Variants in CDH4 observed in about 807,000 individuals in gnomAD.
CDH4 encodes cadherin 4.
Under a neutral mutation model 86.0 loss-of-function variants are expected in CDH4, and 33 were observed. That is an observed-to-expected ratio of 0.38 (90% CI 0.29 to 0.51). The LOEUF is 0.51. CDH4 is among the 20% of genes least tolerant of loss of function. The pLI, the probability that CDH4 is intolerant of heterozygous loss-of-function variation, is 0.86. For missense variants in CDH4, 1,114 were observed against 1,307.4 expected (o/e 0.85, Z 2.28); for synonymous variants, 555 against 549.4 (o/e 1.01, Z -0.14).
chr20:61,719,016 G>A (rs1271346638), intron 2 of CDH4: 1 of 471,220 alleles, frequency 2.1e-6, no homozygotes, highest in Admixed American at 2.3e-5. Flanking sequence ...ATCACGAGTG[G>A]CTCTAAGTGT....
intron 2 of CDH4, among the ~76,000 whole-genome samples, chr20:61,603,329 G>A (rs1416358741): frequency 6.6e-6 from 1 of 152,198 alleles, no homozygotes; most frequent in African/African-American, 2.4e-5. Flanking sequence ...GAGTCTCCAA[G>A]GTGGGGCAAC....
At chr20:61,599,843 G>A (rs375739345) in intron 2 of CDH4, 114 of 985,426 alleles carry the variant, frequency 1.2e-4, no homozygotes, top group Non-Finnish European at 1.3e-4. Flanking sequence ...GCTGAAGCCC[G>A]CTTCCCTTCG....
At chr20:61,790,160 C>G (rs1979094310) in intron 4 of CDH4, among the ~76,000 whole-genome samples, 1 of 152,002 alleles carries the variant, frequency 6.6e-6, no homozygotes, top group Non-Finnish European at 1.5e-5. Context: ...ACCCACCCAT[C>G]TACCCATCCG....
At chr20:61,280,226 T>C (rs1201093879) in intron 2 of CDH4, among the ~76,000 whole-genome samples, 1 of 151,982 alleles carries the variant, frequency 6.6e-6, no homozygotes, top group Non-Finnish European at 1.5e-5. Flanking sequence ...AGGGTACACA[T>C]AGGGTGATGG....
intron 2 of CDH4, among the ~76,000 whole-genome samples, chr20:61,592,213 A>G (rs1361062183): frequency 6.6e-6 from 1 of 152,184 alleles, no homozygotes; most frequent in Non-Finnish European, 1.5e-5. Flanking sequence ...AGTAATAAGA[A>G]ATATATTTAA....
At chr20:61,615,254 T>C (rs1045571419) in intron 2 of CDH4, among the ~76,000 whole-genome samples, 2 of 151,954 alleles carry the variant, frequency 1.3e-5, no homozygotes, top group Non-Finnish European at 2.9e-5. Flanking sequence ...CCCGAGTATC[T>C]GGGATTATAG....
At chr20:61,924,541 A>G in intron 11 of CDH4, 65 bp downstream of exon 11, 1 of 1,555,834 alleles carries the variant, frequency 6.4e-7, no homozygotes, top group South Asian at 1.2e-5. Context: ...TCTGTGGGCG[A>G]GGGAGGGTGC....
chr20:61,718,616 T>C (rs1465324913), intron 2 of CDH4: 1 of 363,016 alleles, frequency 2.8e-6, no homozygotes, highest in East Asian at 7.4e-5. Flanking sequence ...GCTACCCGAC[T>C]GGGTGTCCTA....
At chr20:61,564,021 C>T (rs192133661) in intron 2 of CDH4, among the ~76,000 whole-genome samples, 8 of 152,232 alleles carry the variant, frequency 5.3e-5, no homozygotes, top group East Asian at 1.9e-4. Context: ...CTTCTCTGTC[C>T]GTCCCTCAAT....
intron 2 of CDH4, among the ~76,000 whole-genome samples, chr20:61,733,709 G>GAA (rs1358584391): frequency 7.6e-6 from 1 of 132,412 alleles, no homozygotes; most frequent in African/African-American, 2.7e-5. Flanking sequence ...AAGAAAGAAT[G>GAA]AAAGAAAGAA....
At chr20:61,616,433 C>T (rs1326136360) in intron 2 of CDH4, among the ~76,000 whole-genome samples, 3 of 152,226 alleles carry the variant, frequency 2.0e-5, no homozygotes, top group African/African-American at 7.2e-5. Context: ...ATAGCGCCTT[C>T]TTTCCACCAC....
intron 2 of CDH4, among the ~76,000 whole-genome samples, chr20:61,694,388 C>T (rs553143317): frequency 1.6e-4 from 25 of 152,186 alleles, no homozygotes; most frequent in African/African-American, 5.5e-4. Flanking sequence ...AGGCTTGAGG[C>T]GGAGGAGAAA....
intron 2 of CDH4, among the ~76,000 whole-genome samples, chr20:61,502,584 CAT>C (rs1185905921): frequency 6.6e-6 from 1 of 152,192 alleles, no homozygotes; most frequent in Non-Finnish European, 1.5e-5. Context: ...GCTCCTGAGT[CAT>C]ATGTGGAAAA....
At position 61,934,320 on chromosome 20, in the gene CDH4, T is replaced by A. The variant is rs889884374; in HGVS notation, c.2544+100T>A. 2.5e-5 allele frequency: 33 copies of A among 1,319,910 alleles called. No individual in the cohort carries two copies. In the South Asian group the frequency reaches 5.0e-4, roughly 20 times the overall value. The allele number at this position is 1,319,910 out of a possible 1,614,324, so 81.8% of individuals were successfully genotyped here. A position where few individuals can be genotyped will look rare whatever the true frequency, so the allele number is the denominator to read the frequency against. On this transcript the variant is annotated intron_variant, in intron 15 of 15. Coordinates refer to ENST00000614565, the MANE Select transcript of CDH4 (RefSeq NM_001794.5). Reference sequence around the variant, plus strand: ...AAGCCATCTCCACAGTGCCGGCGGCTGCCGTGGGTGGGAGGCAGCTCAGAC... The same window carrying A: ...AAGCCATCTCCACAGTGCCGGCGGCAGCCGTGGGTGGGAGGCAGCTCAGAC...
chr20:61,659,878 A>G (rs1189924647), intron 2 of CDH4, among the ~76,000 whole-genome samples: 1 of 152,206 alleles, frequency 6.6e-6, no homozygotes, highest in Non-Finnish European at 1.5e-5. Flanking sequence ...TGGAAAAGGA[A>G]GCAGCTCCAC....
chr20:61,458,059 C>T (rs912105735), intron 2 of CDH4, among the ~76,000 whole-genome samples: 26 of 137,468 alleles, frequency 1.9e-4, no homozygotes, highest in African/African-American at 6.1e-4. Flanking sequence ...GTGGTGGCAG[C>T]GGTGGTGGTG....
intron 2 of CDH4, among the ~76,000 whole-genome samples, chr20:61,541,766 A>G (rs577828045): frequency 3.5e-4 from 54 of 152,208 alleles, no homozygotes; most frequent in Admixed American, 1.0e-3. Context: ...CCGTGGGTCC[A>G]TGTTACTCTA....
At chr20:61,923,376 T>A in intron 9 of CDH4, 75 bp from the exon 10 acceptor site, 1 of 1,484,206 alleles carries the variant, frequency 6.7e-7, no homozygotes, top group Non-Finnish European at 9.3e-7. Context: ...GAGACCAACC[T>A]TCCCATGTGT....
intron 2 of CDH4, among the ~76,000 whole-genome samples, chr20:61,603,540 G>A (rs1482294063): frequency 2.0e-5 from 3 of 152,224 alleles, no homozygotes; most frequent in African/African-American, 2.4e-5. Context: ...CCTACCAGGT[G>A]TGGGAGGGGA....
Sources: gnomAD v4.1 joint callset for allele counts (sites outside exome capture counted in the v4.1 genomes callset) on GRCh38, gnomAD v4.1.1 for gene constraint, MANE v1.5 for transcripts, NCBI Gene and HGNC (gene_info 2026-07-23, HGNC 2026-07-21) for gene names.